Variants in TIMELESS observed in about 807,000 individuals in gnomAD.
TIMELESS encodes the protein protein timeless homolog.
Under a neutral mutation model 164.3 loss-of-function variants are expected in TIMELESS, and 124 were observed. The observed-to-expected ratio is 0.75, with a 90% CI of 0.65 to 0.88. TIMELESS has a LOEUF of 0.88. Among genes scored for constraint, TIMELESS ranks in the 40% least tolerant of loss-of-function variants. The pLI is 0.00. For missense variants in TIMELESS, 1,422 were observed against 1,491.4 expected (o/e 0.95, Z 0.77); for synonymous variants, 564 against 563.4 (o/e 1.00, Z -0.02).
intron 4 of TIMELESS, 35 bp from the exon 5 acceptor site, chr12:56,433,478 C>A: frequency 6.2e-7 from 1 of 1,613,908 alleles, no homozygotes; most frequent in South Asian, 1.1e-5. Context: ...AAGTAGCAGT[C>A]ATCCACTTCT....
rs1881911452 is a variant in TIMELESS at position 56,432,284 on chromosome 12, C to T, written c.687+85G>A. ...TGTCGCCTGCCTTCCCCAGATAATG[C>T]AGCCATTATCACAAGAGCAATTCTG... is the stretch of plus-strand genomic sequence containing the variant. On this transcript the variant is annotated intron_variant, in intron 7 of 28. Coordinates refer to ENST00000553532, the MANE Select transcript of TIMELESS (RefSeq NM_003920.5). 2.0e-6 allele frequency: 3 copies of T among 1,471,474 alleles called. No homozygotes were observed. The East Asian group carries it at 7.2e-5, about 35-fold the overall frequency. The allele number at this position is 1,471,474 out of a possible 1,614,324, so 91.2% of individuals were successfully genotyped here. A position where few individuals can be genotyped will look rare whatever the true frequency, so the allele number is the denominator to read the frequency against.
chr12:56,448,763 C>T (rs1401743542), intron 1 of TIMELESS, among the ~76,000 whole-genome samples: 2 of 152,078 alleles, frequency 1.3e-5, no homozygotes, highest in Non-Finnish European at 2.9e-5. Flanking sequence ...ATTGAAAGTA[C>T]TAGTCGAAGC....
At chr12:56,429,142 G>C in intron 10 of TIMELESS, 42 bp from the exon 11 acceptor site, 1 of 1,542,930 alleles carries the variant, frequency 6.5e-7, no homozygotes, top group Non-Finnish European at 8.8e-7. Flanking sequence ...CATGACTCCA[G>C]GGCTTCCAAC....
chr12:56,418,432 T>C, intron 26 of TIMELESS, 73 bp from the exon 27 acceptor site: 1 of 1,111,730 alleles, frequency 9.0e-7, no homozygotes, highest in Non-Finnish European at 1.3e-6. Flanking sequence ...TCATTGAATA[T>C]ATATGACCCA....
chr12:56,428,816 A>G (rs1881763933), intron 11 of TIMELESS, 67 bp downstream of exon 11: 3 of 1,562,828 alleles, frequency 1.9e-6, no homozygotes, highest in South Asian at 2.3e-5. Context: ...TCAGGAAAAA[A>G]GCACCAGCCA....
chr12:56,424,465 G>A lies in TIMELESS; in HGVS notation c.1868+297C>T, dbSNP rs141278265. Among the ~76,000 whole-genome samples the A allele has an allele frequency of 3.0e-3, 459 of 152,086 alleles. 3 individuals carry two copies. The highest frequency in any genetic ancestry group is 0.01 in the African/African-American group (430 of 41,478). Reference sequence around the variant, plus strand: ...CAAAACCAGTTTTTTTTCTCTTAACGTTATAAGAAACATGCCGTAGGTCAT... The same window carrying A: ...CAAAACCAGTTTTTTTTCTCTTAACATTATAAGAAACATGCCGTAGGTCAT... On this transcript the variant is annotated intron_variant, in intron 15 of 28. Coordinates refer to ENST00000553532, the MANE Select transcript of TIMELESS (RefSeq NM_003920.5).
chr12:56,423,204 C>A (rs1881553868), intron 18 of TIMELESS, 70 bp downstream of exon 18: 1 of 1,566,484 alleles, frequency 6.4e-7, no homozygotes, highest in South Asian at 1.2e-5. Context: ...CCTTCTATCT[C>A]CTGAAGATTA....
Position 56,423,810 on chromosome 12 carries a change from A to T in TIMELESS, c.1953T>A (p.Ser651=), listed in dbSNP as rs779899701. 2 of 1,614,202 alleles carry T rather than the reference A, an allele frequency of 1.2e-6. No homozygotes were observed. The highest frequency in any genetic ancestry group is 1.6e-4 in the Middle Eastern group (1 of 6,062). Residue 651 remains serine (S), a synonymous_variant, in exon 16 of 29, where the codon TCT becomes TCA. Transcript: ENST00000553532. ...EEIQLLKQIL[S]APLPRQQGPE... ...GTGGAGACTCACGGGGAAGTGGAGC[A>T]GAGAGGATTTGTTTCAGCAACTGGA...
rs753719652 is a variant in TIMELESS at position 56,421,699 on chromosome 12, AG to A, written c.2725+27del. ...ATGGATAGCTTGGCTTTCATCTCAA[AG>A]GTCCCCTGAGTTTCCAGCTTACTCA... On this transcript the variant is annotated intron_variant, in intron 22 of 28. Transcript: ENST00000553532. 7 of 1,612,060 alleles carry A rather than the reference AG, an allele frequency of 4.3e-6. No individual in the cohort carries two copies. The Admixed American group carries it at 5.0e-5, about 12-fold the overall frequency.
intron 1 of TIMELESS, among the ~76,000 whole-genome samples, chr12:56,440,133 CTTTTTTTTTTTTTT>C (rs33978004): frequency 4.6e-5 from 4 of 87,650 alleles, no homozygotes; most frequent in Non-Finnish European, 8.8e-5. Context: ...TCAAATTAAC[CTTTTTTTTTTTTTT>C]TTTTTTTTTG....
chr12:56,428,270 C>A lies in TIMELESS; in HGVS notation c.1544G>T (p.Arg515Leu). ...CAGGTTCCCACGGCTCCGACAGAAT[C>A]GCTCCAACATTTTGAGGAAGAGGTG... Reference protein sequence around the residue: ...TTHLFLKMLERFCRSRGNLVV... With the variant: ...TTHLFLKMLELFCRSRGNLVV... Residue 515 changes from arginine to leucine, a missense_variant, in exon 13 of 29, where the codon CGA (arginine) becomes CTA (leucine). Physicochemically the swap from Arg to Leu is moderately radical, Grantham distance 102. Transcript: ENST00000553532. 1 of 1,609,422 alleles carries A rather than the reference C, an allele frequency of 6.2e-7. No individual in the cohort carries two copies. Among genetic ancestry groups the A allele is most frequent in the Non-Finnish European group, 8.5e-7 (1 of 1,176,508 alleles).
intron 6 of TIMELESS, 137 bp downstream of exon 6, chr12:56,432,889 A>C (rs894981815): frequency 1.5e-6 from 1 of 649,352 alleles, no homozygotes; most frequent in Admixed American, 3.2e-5. Context: ...CAGGAGACAG[A>C]GCTTGCAGTG....
At chr12:56,437,208 C>A (rs1188577539) in intron 1 of TIMELESS, among the ~76,000 whole-genome samples, 1 of 152,182 alleles carries the variant, frequency 6.6e-6, no homozygotes, top group Non-Finnish European at 1.5e-5. Flanking sequence ...GGATTACATG[C>A]TTGAGCCACT....
chr12:56,435,527 T>A (rs1882041250), intron 1 of TIMELESS, among the ~76,000 whole-genome samples: 1 of 152,146 alleles, frequency 6.6e-6, no homozygotes, highest in Non-Finnish European at 1.5e-5. Context: ...CCTGGCCTTT[T>A]AAAAAATTTT....
At position 56,430,884 on chromosome 12, in the gene TIMELESS, G is replaced by A; in HGVS notation, c.906C>T (p.His302=). 6.3e-7 allele frequency: 1 copy of A among 1,594,674 alleles called. No homozygotes were observed. The highest frequency in any genetic ancestry group is 8.6e-7 in the Non-Finnish European group (1 of 1,168,442). Residue 302 remains histidine, a synonymous_variant, in exon 9 of 29, where the codon CAC becomes CAT. Coordinates refer to ENST00000553532, the MANE Select transcript of TIMELESS (RefSeq NM_003920.5). ...ERDLIFHKGL[H]NLRNYSSDLG... ...CTCCAGATGTAAGAATACTCACGTT[G>A]TGAAGGCCTTTGTGAAAGATGAGGT...
Position 56,448,951 on chromosome 12 carries a change from C to A in TIMELESS, c.-62+359G>T, listed in dbSNP as rs572914673. Among the ~76,000 whole-genome samples the A allele has an allele frequency of 7.2e-5, 11 of 152,286 alleles. No homozygotes were observed. In the South Asian group the frequency reaches 2.3e-3, roughly 32 times the overall value. ...CACTGCTGACCGCCAGGCCACACACCGGTTTTTTTCAGGAGGTCTCAACTA... is the reference window on the plus strand; with the variant it reads ...CACTGCTGACCGCCAGGCCACACACAGGTTTTTTTCAGGAGGTCTCAACTA... On this transcript the variant is annotated intron_variant, in intron 1 of 28. Coordinates refer to ENST00000553532, the MANE Select transcript of TIMELESS (RefSeq NM_003920.5).
Position 56,430,490 on chromosome 12 carries a change from C to T in TIMELESS, c.910-209G>A, listed in dbSNP as rs546209498. On this transcript the variant is annotated intron_variant, in intron 9 of 28. Transcript: ENST00000553532. ...AAGGAATCCTCCCACCTCAGCCTCC[C>T]GAGTAGTCAGGACCACAGGCGGGTG... Among the ~76,000 whole-genome samples, 12 of 152,228 alleles carry T rather than the reference C, an allele frequency of 7.9e-5. No homozygotes were observed. In the East Asian group the frequency reaches 1.7e-3, roughly 22 times the overall value.
At chr12:56,418,958 T>C (rs945586569) in intron 26 of TIMELESS, among the ~76,000 whole-genome samples, 2 of 151,186 alleles carry the variant, frequency 1.3e-5, no homozygotes, top group African/African-American at 4.9e-5. Flanking sequence ...TAACTCACAA[T>C]CCAATGGGAA....
chr12:56,422,465 A>G (rs1242621252), intron 19 of TIMELESS, among the ~76,000 whole-genome samples: 1 of 152,206 alleles, frequency 6.6e-6, no homozygotes, highest in African/African-American at 2.4e-5. Flanking sequence ...AAAGAGACTA[A>G]GTGTGAAAGG....
Sources: gnomAD v4.1 joint callset for allele counts (sites outside exome capture counted in the v4.1 genomes callset) on GRCh38, gnomAD v4.1.1 for gene constraint, MANE v1.5 for transcripts, NCBI Gene and HGNC (gene_info 2026-07-23, HGNC 2026-07-21) for gene names.